SEMA4B: variants seen among roughly 807,000 people sequenced by gnomAD.
SEMA4B encodes semaphorin 4B.
SEMA4B carries 55 observed loss-of-function variants against 88.1 expected under a neutral mutation model. That is an observed-to-expected ratio of 0.62 (90% confidence interval 0.50 to 0.78). SEMA4B has a LOEUF of 0.78. Ranked by LOEUF, SEMA4B falls within the 30% of genes least tolerant of loss-of-function variation. The probability of loss-of-function intolerance (pLI) is 0.00; values close to 1 mark genes in which losing one functional copy is unlikely to be tolerated. For missense variants in SEMA4B, 1,062 were observed against 1,111.9 expected (o/e 0.96, Z 0.64); for synonymous variants, 525 against 473.6 (o/e 1.11, Z -1.41).
At chr15:90,187,292 C>T (rs1427011812) in intron 1 of SEMA4B, among the ~76,000 whole-genome samples, 1 of 152,192 alleles carries the variant, frequency 6.6e-6, no homozygotes, top group African/African-American at 2.4e-5. Flanking sequence ...GTGCTGTTTC[C>T]TTTGAAAGGG....
At chr15:90,190,716 G>C (rs1353100582) in intron 1 of SEMA4B, among the ~76,000 whole-genome samples, 6 of 152,040 alleles carry the variant, frequency 3.9e-5, no homozygotes, top group Non-Finnish European at 8.8e-5. Flanking sequence ...TTGGAACCAG[G>C]GTGTGTGTCT....
At position 90,220,983 on chromosome 15, in the gene SEMA4B, A is replaced by T. The variant is rs756296735; in HGVS notation, c.485A>T (p.Asn162Ile). The T allele has an allele frequency of 6.9e-6, 11 of 1,600,874 alleles. No individual in the cohort carries two copies. The highest frequency in any genetic ancestry group is 9.4e-6 in the Non-Finnish European group (11 of 1,172,618). ...AAFSPMCTYI[N>I]MENFTLARDE... ...GCCCATGTGTCCACCCTCCTGCAGA[A>T]CATGGAGAACTTCACCCTGGCAAGG... Residue 162 changes from asparagine (N) to isoleucine (I), a missense_variant and splice_region_variant, in exon 5 of 14, where the codon AAC (asparagine) becomes ATC (isoleucine). Physicochemically the swap from Asn to Ile is moderately radical, Grantham distance 149 (BLOSUM62 -3). Coordinates refer to ENST00000411539, the MANE Select transcript of SEMA4B (RefSeq NM_198925.4).
In SEMA4B at chr15:90,225,042, C is replaced by G. The variant is rs1213291608; in HGVS notation, c.1269C>G (p.Leu423=). The part of the protein sequence containing the change: ...LQLPDRVLNF[L]KDHFLMDGQV... ...TCCCAGACCGCGTGCTGAACTTCCT[C>G]AAGGACCACTTCCTGATGGACGGGC... Residue 423 remains leucine (L), a synonymous_variant, in exon 10 of 14, where the codon CTC becomes CTG. Coordinates refer to ENST00000411539, the MANE Select transcript of SEMA4B (RefSeq NM_198925.4). The G allele has an allele frequency of 1.2e-6, 2 of 1,613,834 alleles. No individual in the cohort carries two copies. Among genetic ancestry groups the G allele is most frequent in the African/African-American group, 1.3e-5 (1 of 74,942 alleles).
chr15:90,198,910 C>T (rs982981568), upstream of SEMA4B, among the ~76,000 whole-genome samples: 6 of 152,174 alleles, frequency 3.9e-5, no homozygotes, highest in East Asian at 1.2e-3. Context: ...CTCTGTAGCC[C>T]AGGCTGGAGT....
chr15:90,213,787 T>C (rs370078781), intron 1 of SEMA4B, among the ~76,000 whole-genome samples: 7 of 152,382 alleles, frequency 4.6e-5, no homozygotes, highest in African/African-American at 1.7e-4. Context: ...CAGAGAACTA[T>C]GGAAAAATCC....
intron 1 of SEMA4B, among the ~76,000 whole-genome samples, chr15:90,204,924 C>T (rs911106640): frequency 3.9e-5 from 6 of 152,086 alleles, no homozygotes; most frequent in Admixed American, 1.3e-4. Context: ...TACAGGTGCC[C>T]GCCACCATGC....
chr15:90,220,010 A>C, intron 4 of SEMA4B, 119 bp downstream of exon 4: 1 of 714,024 alleles, frequency 1.4e-6, no homozygotes, highest in Non-Finnish European at 2.3e-6. Context: ...GGAGGTTTCT[A>C]GGTACCACTG....
intron 1 of SEMA4B, among the ~76,000 whole-genome samples, chr15:90,195,339 G>A (rs996394755): frequency 2.6e-5 from 4 of 151,922 alleles, no homozygotes; most frequent in African/African-American, 9.7e-5. Context: ...TGATCCACCT[G>A]CCTTGGCCTC....
chr15:90,208,411 T>G (rs1474826248), intron 1 of SEMA4B, among the ~76,000 whole-genome samples: 1 of 152,174 alleles, frequency 6.6e-6, no homozygotes, highest in African/African-American at 2.4e-5. Context: ...AAGTCTTGCG[T>G]GTGAAAAAGG....
chr15:90,225,865 C>T, intron 12 of SEMA4B, 38 bp downstream of exon 12: 2 of 1,444,406 alleles, frequency 1.4e-6, no homozygotes, highest in Non-Finnish European at 1.8e-6. Flanking sequence ...TCTGTCCAGC[C>T]CTGCACAGGT....
intron 1 of SEMA4B, among the ~76,000 whole-genome samples, chr15:90,216,257 C>T (rs899063140): frequency 6.6e-6 from 1 of 152,098 alleles, no homozygotes; most frequent in Non-Finnish European, 1.5e-5. Context: ...TGTGAGCCAC[C>T]ACGCCCAGCC....
In SEMA4B at chr15:90,225,336, A is replaced by C; in HGVS notation, c.1460A>C (p.Glu487Ala). Residue 487 changes from glutamate to alanine, a missense_variant, in exon 11 of 14, where the codon GAG becomes GCG. By Grantham distance (107) the Glu-to-Ala change is moderately radical. Transcript: ENST00000411539. The stretch of plus-strand genomic sequence containing the variant: ...GTGGGCCCCCGGGTGCACATCATTG[A>C]GGAGCTGCAGATCTTCTCATCGGGA... ...VSVGPRVHIIEELQIFSSGQP... is the reference protein window; with the variant it reads ...VSVGPRVHIIAELQIFSSGQP... The C allele has an allele frequency of 1.3e-6, 2 of 1,558,238 alleles. No homozygotes were observed.
chr15:90,195,607 CTTG>C (rs200127160), intron 1 of SEMA4B, among the ~76,000 whole-genome samples: 3,304 of 152,100 alleles, frequency 0.022, 106 homozygotes, highest in African/African-American at 0.074. Flanking sequence ...ATGTTTTGTA[CTTG>C]TTGTTTTTTC....
upstream of SEMA4B, chr15:90,201,217 A>T: frequency 1.4e-6 from 1 of 708,332 alleles, no homozygotes; most frequent in Non-Finnish European, 1.7e-6. Flanking sequence ...CCCCTGCGGC[A>T]GCGCCCCGAG....
Position 90,228,001 on chromosome 15 carries a change from C to G in SEMA4B, c.1872C>G (p.Arg624=). 3 of 1,613,932 alleles carry G rather than the reference C, an allele frequency of 1.9e-6. No individual in the cohort carries two copies. Among genetic ancestry groups the G allele is most frequent in the Non-Finnish European group, 2.5e-6 (3 of 1,179,888 alleles). The part of the protein sequence containing the change: ...LSNLATRLWL[R]NGAPVNASAS... ...ACCTGGCGACCCGACTCTGGCTACGCAACGGGGCCCCCGTCAATGCCTCGG... is the reference window on the plus strand; with the variant it reads ...ACCTGGCGACCCGACTCTGGCTACGGAACGGGGCCCCCGTCAATGCCTCGG... Residue 624 remains arginine, a synonymous_variant, in exon 14 of 14, where the codon CGC becomes CGG. Transcript: ENST00000411539.
chr15:90,201,621 C>G lies in SEMA4B; in HGVS notation c.43C>G (p.Pro15Ala). The stretch of plus-strand genomic sequence containing the variant: ...GGGCCTGAGGAGCTGGCTCGCCGCC[C>G]CATGGGGCGCGCTGCCGCCTCGGCC... The part of the protein sequence containing the change: ...AMGLRSWLAA[P>A]WGALPPRPPL... Residue 15 changes from proline to alanine, a missense_variant, in exon 1 of 14, where the codon CCA (proline) becomes GCA (alanine). Coordinates refer to ENST00000411539, the MANE Select transcript of SEMA4B (RefSeq NM_198925.4). 6.6e-7 allele frequency: 1 copy of G among 1,518,366 alleles called. No individual in the cohort carries two copies. Among genetic ancestry groups the G allele is most frequent in the East Asian group, 2.6e-5 (1 of 38,332 alleles). The allele number at this position is 1,518,366 out of a possible 1,614,324, so 94.1% of individuals were successfully genotyped here.
chr15:90,209,400 T>C (rs985801295), intron 1 of SEMA4B, among the ~76,000 whole-genome samples: 29 of 151,206 alleles, frequency 1.9e-4, no homozygotes, highest in Admixed American at 9.2e-4. Context: ...AAAAAATATA[T>C]ATATATATAC....
At chr15:90,210,752 G>T (rs1026773321) in intron 1 of SEMA4B, among the ~76,000 whole-genome samples, 1 of 152,070 alleles carries the variant, frequency 6.6e-6, no homozygotes, top group African/African-American at 2.4e-5. Context: ...GGCGTGGCCC[G>T]TGTCTGGGGT....
At chr15:90,194,071 C>T (rs986697448) in intron 1 of SEMA4B, among the ~76,000 whole-genome samples, 3 of 151,808 alleles carry the variant, frequency 2.0e-5, no homozygotes, top group Admixed American at 6.6e-5. Context: ...AGGCTGGTTT[C>T]GAACTCCTGA....
Sources: allele counts gnomAD v4.1 joint callset (sites outside exome capture counted in the v4.1 genomes callset), GRCh38; gene constraint gnomAD v4.1.1; transcripts MANE v1.5; gene names NCBI Gene and HGNC (gene_info 2026-07-23, HGNC 2026-07-21).